DDX50: variants seen among roughly 807,000 people sequenced by gnomAD.
The protein encoded by DDX50 is DExD-box helicase 50.
Under a neutral mutation model 94.8 loss-of-function variants are expected in DDX50, and 56 were observed. The observed-to-expected ratio is 0.59, with a 90% CI of 0.48 to 0.74. The LOEUF (loss-of-function observed/expected upper bound fraction) is 0.74. Ranked by LOEUF, DDX50 falls within the 30% of genes least tolerant of loss-of-function variation. The pLI, the probability that DDX50 is intolerant of heterozygous loss-of-function variation, is 0.00. For missense variants in DDX50, 713 were observed against 881.2 expected, an observed-to-expected ratio of 0.81 and a Z score of 2.42; for synonymous variants, 264 against 295.4, an observed-to-expected ratio of 0.89 and a Z score of 1.09.
intron 12 of DDX50, among the ~76,000 whole-genome samples, chr10:68,939,709 G>A (rs1012919920): frequency 2.6e-5 from 4 of 152,118 alleles, no homozygotes; most frequent in African/African-American, 9.7e-5. Context: ...TATCATACCA[G>A]AGAGGTCTTT....
intron 8 of DDX50, among the ~76,000 whole-genome samples, chr10:68,927,109 C>T (rs1273232761): frequency 1.3e-5 from 2 of 151,916 alleles, no homozygotes; most frequent in African/African-American, 2.4e-5. Context: ...ACAGGGTCTC[C>T]TTGTGTTACC....
intron 8 of DDX50, among the ~76,000 whole-genome samples, chr10:68,927,888 G>T (rs1050354858): frequency 1.3e-5 from 2 of 152,166 alleles, no homozygotes; most frequent in African/African-American, 4.8e-5. Flanking sequence ...TGGCCGCCAT[G>T]GTTCATGCCT....
chr10:68,906,635 G>A (rs1007998295), intron 1 of DDX50, 76 bp from the exon 2 acceptor site: 92 of 1,513,752 alleles, frequency 6.1e-5, no homozygotes, highest in Admixed American at 1.5e-4. Context: ...TGGTGGGGGA[G>A]TCATGCTCTA....
intron 1 of DDX50, among the ~76,000 whole-genome samples, chr10:68,905,001 T>C (rs1218680889): frequency 6.6e-6 from 1 of 152,254 alleles, no homozygotes; most frequent in African/African-American, 2.4e-5. Flanking sequence ...TAATTACTGC[T>C]ATCTATTTTG....
chr10:68,905,169 G>GC (rs953338967), intron 1 of DDX50, among the ~76,000 whole-genome samples: 17 of 151,892 alleles, frequency 1.1e-4, no homozygotes, highest in Non-Finnish European at 1.5e-4. Context: ...GCCCAACCTC[G>GC]CCCCCCCAGA....
rs368897102 is a variant in DDX50 at position 68,919,822 on chromosome 10, T to G, written c.1090-10T>G. The stretch of plus-strand genomic sequence containing the variant: ...TGAAACAAATAATGTGGTATTTTCT[T>G]TCTTCAAAGCATTTGGCCATCCAGT... On this transcript the variant is annotated splice_polypyrimidine_tract_variant and intron_variant, in intron 7 of 14. Transcript: ENST00000373585. 74 of 1,606,106 alleles carry G rather than the reference T, an allele frequency of 4.6e-5. No individual in the cohort carries two copies. Among genetic ancestry groups the G allele is most frequent in the Non-Finnish European group, 6.1e-5 (72 of 1,178,672 alleles).
At position 68,917,873 on chromosome 10, in the gene DDX50, G is replaced by C. The variant is rs151059095; in HGVS notation, c.1090-1959G>C. On this transcript the variant is annotated intron_variant, in intron 7 of 14. Transcript: ENST00000373585. ...CTGCCTCCGGCTCCCAAAGTGCTGGGATTACAGGTGTGAGCCACTGTACCT... is the reference window on the plus strand; with the variant it reads ...CTGCCTCCGGCTCCCAAAGTGCTGGCATTACAGGTGTGAGCCACTGTACCT... Among the ~76,000 whole-genome samples, 496 of 152,158 alleles carry C rather than the reference G, an allele frequency of 3.3e-3. 8 individuals carry two copies. The highest frequency in any genetic ancestry group is 0.012 in the African/African-American group (483 of 41,518).
chr10:68,926,964 G>GTGCA (rs1337652061), intron 8 of DDX50, among the ~76,000 whole-genome samples: 1 of 152,034 alleles, frequency 6.6e-6, no homozygotes, highest in East Asian at 1.9e-4. Flanking sequence ...CCAGGCTGAA[G>GTGCA]TGCAGTGGTG....
chr10:68,942,042 C>T (rs560851229), intron 13 of DDX50, among the ~76,000 whole-genome samples: 2 of 151,900 alleles, frequency 1.3e-5, no homozygotes, highest in South Asian at 2.1e-4. Flanking sequence ...CCTGCCTCAG[C>T]CTCCCAAAGT....
chr10:68,940,350 A>T (rs1382764062), intron 12 of DDX50, among the ~76,000 whole-genome samples: 1 of 151,126 alleles, frequency 6.6e-6, no homozygotes, highest in East Asian at 2.0e-4. Flanking sequence ...CTGCATTCCA[A>T]CCTGGGTGAC....
At chr10:68,931,422 T>TACAC (rs1286356167) in intron 8 of DDX50, among the ~76,000 whole-genome samples, 1 of 29,292 alleles carries the variant, frequency 3.4e-5, no homozygotes, top group East Asian at 5.6e-3. Context: ...TATATATATA[T>TACAC]ATATACACAA....
In DDX50 at chr10:68,913,299, AGACGTGCAAAG is replaced by A. The variant is rs1282086575; in HGVS notation, c.757+22_757+32del. ...GCCAAAGTGAGTAAATATGTTTGAT[AGACGTGCAAAG>A]GCATATTTGATACTCATATTTAAAT... On this transcript the variant is annotated intron_variant, in intron 5 of 14. Coordinates refer to ENST00000373585, the MANE Select transcript of DDX50 (RefSeq NM_024045.2). 1 of 1,606,030 alleles carries A rather than the reference AGACGTGCAAAG, an allele frequency of 6.2e-7. No homozygotes were observed. The highest frequency in any genetic ancestry group is 8.5e-7 in the Non-Finnish European group (1 of 1,177,582).
Position 68,929,319 on chromosome 10 carries a change from TTC to T in DDX50, c.1240-4876_1240-4875del, listed in dbSNP as rs534627005. Among the ~76,000 whole-genome samples the T allele has an allele frequency of 1.6e-4, 22 of 136,010 alleles. No homozygotes were observed. The South Asian group carries it at 3.9e-3, about 24-fold the overall frequency. The allele number at this position is 136,010 out of a possible 152,430, so 89.2% of individuals were successfully genotyped here. A position where few individuals can be genotyped will look rare whatever the true frequency, so the allele number is the denominator to read the frequency against. ...TCTCTCTCTCTCTCTCTCTCTTTCT[TTC>T]TCTTTCTTTCTTTCCTTCCTTCCTT... On this transcript the variant is annotated intron_variant, in intron 8 of 14. Transcript: ENST00000373585.
At chr10:68,924,134 G>T (rs570729598) in intron 8 of DDX50, among the ~76,000 whole-genome samples, 3 of 150,866 alleles carry the variant, frequency 2.0e-5, no homozygotes, top group Non-Finnish European at 3.0e-5. Context: ...ACCACGCCCA[G>T]CTAATTTTTG....
chr10:68,934,772 A>G lies in DDX50; in HGVS notation c.1402-27A>G. ...ATGACTGCAACTTGCTAGATTTTTA[A>G]AAAATATTACCTTTTATAATCTTTA... is the stretch of plus-strand genomic sequence containing the variant. On this transcript the variant is annotated intron_variant, in intron 9 of 14. Transcript: ENST00000373585. This position sits in a 1 kb window ranked among gnomAD's most constrained non-coding sequence, Gnocchi z 4.0. 1 of 1,565,876 alleles carries G rather than the reference A, an allele frequency of 6.4e-7. No homozygotes were observed. Among genetic ancestry groups the G allele is most frequent in the Non-Finnish European group, 8.6e-7 (1 of 1,164,650 alleles).
At chr10:68,918,796 T>G (rs73268347) in intron 7 of DDX50, among the ~76,000 whole-genome samples, 9,080 of 152,222 alleles carry the variant, frequency 0.06, 882 homozygotes, top group African/African-American at 0.2. Flanking sequence ...TATACCTGTT[T>G]TGGATATTTC....
At chr10:68,941,785 G>T (rs1406025518) in intron 13 of DDX50, among the ~76,000 whole-genome samples, 1 of 151,830 alleles carries the variant, frequency 6.6e-6, no homozygotes, top group African/African-American at 2.4e-5. Context: ...GATTACAGGT[G>T]CCCGCCACTA....
At position 68,943,296 on chromosome 10, in the gene DDX50, T is replaced by C. The variant is rs202187724; in HGVS notation, c.1935+39T>C. 4.5e-5 allele frequency: 68 copies of C among 1,512,016 alleles called. No homozygotes were observed. The African/African-American group carries it at 6.7e-4, about 15-fold the overall frequency. 93.7% of individuals were successfully genotyped at this position (1,512,016 alleles called of 1,614,324 possible). On this transcript the variant is annotated intron_variant, in intron 14 of 14. Transcript: ENST00000373585. ...TTTATCTTTTAAATGGTTGAGTACA[T>C]TCTCTAACATTTAGATTGGGATATT...
At chr10:68,945,216 A>G (rs918425954) in intron 14 of DDX50, among the ~76,000 whole-genome samples, 4 of 152,126 alleles carry the variant, frequency 2.6e-5, no homozygotes, top group Admixed American at 6.6e-5. Flanking sequence ...TATATTGCCA[A>G]ACCCACCAGT....
Sources: gnomAD v4.1 joint callset for allele counts (sites outside exome capture counted in the v4.1 genomes callset) on GRCh38, gnomAD v4.1.1 for gene constraint, Gnocchi (gnomAD v3.1) non-coding constraint, MANE v1.5 for transcripts, NCBI Gene and HGNC (gene_info 2026-07-23, HGNC 2026-07-21) for gene names.